Variants in TENM2 observed in about 807,000 individuals in gnomAD.
TENM2 encodes the protein teneurin transmembrane protein 2.
Under a neutral mutation model 245.2 loss-of-function variants are expected in TENM2, and 52 were observed. The ratio of observed to expected loss-of-function variants is 0.21; its 90% CI spans 0.17 to 0.27. TENM2 has a LOEUF of 0.27. TENM2 is among the 10% of genes least tolerant of loss of function. The probability of loss-of-function intolerance (pLI) is 1.00; values close to 1 mark genes in which losing one functional copy is unlikely to be tolerated. For synonymous variants in TENM2, 1,363 were observed against 1,438.9 expected, an observed-to-expected ratio of 0.95 and a Z score of 1.19; for missense variants, 3,046 against 3,666.8, an observed-to-expected ratio of 0.83 and a Z score of 4.37.
the TENM2 span, among the ~76,000 whole-genome samples, chr5:166,998,777 G>A: frequency 6.6e-6 from 1 of 152,232 alleles, no homozygotes; most frequent in East Asian, 1.9e-4. Context: ...ATGGGATGTG[G>A]TTAAGAAATT....
the TENM2 span, among the ~76,000 whole-genome samples, chr5:167,257,536 C>A: frequency 6.6e-6 from 1 of 151,358 alleles, no homozygotes. Flanking sequence ...ATAAGATGAA[C>A]CTAATATTTT....
chr5:167,133,162 C>T, the TENM2 span, among the ~76,000 whole-genome samples: 182 of 152,134 alleles, frequency 1.2e-3, 1 homozygote, highest in African/African-American at 4.0e-3. Flanking sequence ...AGAGAGAAAC[C>T]GTAAAGGCTA....
At chr5:167,449,493 A>C (rs375507468) in intron 2 of TENM2, among the ~76,000 whole-genome samples, 8 of 148,352 alleles carry the variant, frequency 5.4e-5, no homozygotes, top group Admixed American at 2.1e-4. Context: ...CAGAGTGTGC[A>C]TACCCTAAAG....
chr5:167,257,705 A>AT, the TENM2 span, among the ~76,000 whole-genome samples: 1 of 152,088 alleles, frequency 6.6e-6, no homozygotes, highest in Non-Finnish European at 1.5e-5. Flanking sequence ...AATCAGTATA[A>AT]TTTTTTTCTA....
chr5:167,707,012 C>CT (rs1758577671), intron 2 of TENM2, among the ~76,000 whole-genome samples: 1 of 96,116 alleles, frequency 1.0e-5, no homozygotes, highest in Admixed American at 1.1e-4. Context: ...GAGACTCCGC[C>CT]TAAAAAAAAA....
intron 1 of TENM2, among the ~76,000 whole-genome samples, chr5:167,291,486 C>T (rs1754633074): frequency 1.3e-5 from 2 of 152,238 alleles, no homozygotes; most frequent in South Asian, 4.1e-4. Context: ...CCCCCACTCT[C>T]ACATTTTCTC....
intron 3 of TENM2, among the ~76,000 whole-genome samples, chr5:167,949,370 C>T (rs1199114664): frequency 6.6e-6 from 1 of 152,122 alleles, no homozygotes; most frequent in Non-Finnish European, 1.5e-5. Context: ...TAATATTCAG[C>T]TTGAGGGCTG....
chr5:167,928,014 C>G (rs2151679007), intron 3 of TENM2, among the ~76,000 whole-genome samples: 1 of 152,250 alleles, frequency 6.6e-6, no homozygotes, highest in Admixed American at 6.5e-5. Context: ...CCCAGTTAAC[C>G]CAACAGTGTC....
intron 2 of TENM2, among the ~76,000 whole-genome samples, chr5:167,638,560 G>T (rs1779362658): frequency 6.6e-6 from 1 of 152,200 alleles, no homozygotes; most frequent in South Asian, 2.1e-4. Context: ...AGGATTAGAA[G>T]ACAGAGTGTG....
At chr5:167,691,043 C>G (rs1389163661) in intron 2 of TENM2, among the ~76,000 whole-genome samples, 1 of 150,896 alleles carries the variant, frequency 6.6e-6, no homozygotes, top group Non-Finnish European at 1.5e-5. Flanking sequence ...TAACCAGAAA[C>G]TTTGAAGACA....
chr5:167,046,288 T>A, the TENM2 span, among the ~76,000 whole-genome samples: 1 of 152,178 alleles, frequency 6.6e-6, no homozygotes, highest in African/African-American at 2.4e-5. Context: ...TTTCGTTTAT[T>A]TCCATGTTGG....
chr5:168,065,881 C>T (rs1156489251), intron 7 of TENM2, among the ~76,000 whole-genome samples: 4 of 147,406 alleles, frequency 2.7e-5, no homozygotes, highest in Non-Finnish European at 5.9e-5. Flanking sequence ...GTTTATGCTA[C>T]ACCATTAGTG....
chr5:167,231,736 A>C, the TENM2 span, among the ~76,000 whole-genome samples: 1 of 152,244 alleles, frequency 6.6e-6, no homozygotes, highest in Admixed American at 6.5e-5. Flanking sequence ...TTTCTGAGGA[A>C]AATTCAAGCC....
chr5:167,089,451 A>C, the TENM2 span, among the ~76,000 whole-genome samples: 3 of 152,194 alleles, frequency 2.0e-5, no homozygotes, highest in African/African-American at 4.8e-5. Flanking sequence ...GGTTTAATTA[A>C]AACAGGGTGA....
the TENM2 span, among the ~76,000 whole-genome samples, chr5:167,078,276 G>T: frequency 2.0e-5 from 3 of 152,052 alleles, no homozygotes; most frequent in African/African-American, 4.8e-5. Flanking sequence ...CTGAGGTTGG[G>T]AGTTCGAGAC....
intron 2 of TENM2, among the ~76,000 whole-genome samples, chr5:167,529,479 C>T (rs1358487303): frequency 6.6e-6 from 1 of 152,174 alleles, no homozygotes; most frequent in Non-Finnish European, 1.5e-5. Context: ...TCCTGTATTG[C>T]AACTTAATGT....
chr5:167,935,073 A>G (rs1401179076), intron 3 of TENM2, among the ~76,000 whole-genome samples: 4 of 152,218 alleles, frequency 2.6e-5, no homozygotes, highest in Non-Finnish European at 5.9e-5. Flanking sequence ...GAGCCAGGGC[A>G]AGAGTGTTCC....
At chr5:167,239,753 A>G in the TENM2 span, among the ~76,000 whole-genome samples, 1 of 152,306 alleles carries the variant, frequency 6.6e-6, no homozygotes, top group East Asian at 1.9e-4. Context: ...TGGATAAATT[A>G]ATAAACTTTT....
At chr5:167,316,069 C>T (rs182190485) in intron 1 of TENM2, among the ~76,000 whole-genome samples, 5 of 152,244 alleles carry the variant, frequency 3.3e-5, no homozygotes, top group Non-Finnish European at 7.4e-5. Flanking sequence ...GTTCTGTGTA[C>T]CCCACTTGCC....
Sources: gnomAD v4.1 joint callset for allele counts (sites outside exome capture counted in the v4.1 genomes callset) on GRCh38, gnomAD v4.1.1 for gene constraint, MANE v1.5 for transcripts, NCBI Gene and HGNC (gene_info 2026-07-23, HGNC 2026-07-21) for gene names.